Variants in CNTN3 observed in about 807,000 individuals in gnomAD.
CNTN3 encodes contactin 3.
CNTN3 carries 60 observed loss-of-function variants against 119.1 expected under a neutral mutation model. That is an observed-to-expected ratio of 0.50 (90% CI 0.41 to 0.62). CNTN3 has a LOEUF of 0.62. CNTN3 is among the 20% of genes least tolerant of loss of function. The pLI is 0.00. For synonymous variants in CNTN3, 450 were observed against 438.7 expected (o/e 1.03, Z -0.32); for missense variants, 1,101 against 1,242.4 (o/e 0.89, Z 1.71).
chr3:74,376,064 G>T (rs1421559795), intron 5 of CNTN3, among the ~76,000 whole-genome samples: 2 of 152,144 alleles, frequency 1.3e-5, no homozygotes, highest in East Asian at 1.9e-4. Context: ...TGGTGGCCAA[G>T]AGCAAAGGAA....
At chr3:74,317,369 G>A (rs993564303) in intron 13 of CNTN3, among the ~76,000 whole-genome samples, 2 of 151,724 alleles carry the variant, frequency 1.3e-5, no homozygotes, top group African/African-American at 2.4e-5. Flanking sequence ...TGTGTATTTG[G>A]TCCTGTCATT....
intron 13 of CNTN3, among the ~76,000 whole-genome samples, chr3:74,327,669 C>T (rs1481143505): frequency 6.6e-6 from 1 of 151,950 alleles, no homozygotes; most frequent in East Asian, 1.9e-4. Context: ...ACAAAAATTA[C>T]CAGTAAAATT....
chr3:74,392,702 A>G (rs969203245), intron 5 of CNTN3, among the ~76,000 whole-genome samples: 5 of 152,208 alleles, frequency 3.3e-5, no homozygotes, highest in African/African-American at 4.8e-5. Context: ...TTAGAAAGAT[A>G]CCAAGTGATG....
At chr3:74,552,296 T>C (rs2107161955) in intron 1 of CNTN3, among the ~76,000 whole-genome samples, 1 of 152,336 alleles carries the variant, frequency 6.6e-6, no homozygotes, top group Non-Finnish European at 1.5e-5. Context: ...AAGTTCTCAA[T>C]TCATTTGAGT....
At chr3:74,578,397 A>G (rs941682403) in intron 1 of CNTN3, among the ~76,000 whole-genome samples, 6 of 152,104 alleles carry the variant, frequency 3.9e-5, no homozygotes, top group Non-Finnish European at 7.4e-5. Context: ...ACTTTTCTTA[A>G]TAAGTTAAGG....
chr3:74,413,377 G>A (rs928405925), intron 5 of CNTN3, among the ~76,000 whole-genome samples: 1 of 152,132 alleles, frequency 6.6e-6, no homozygotes, highest in African/African-American at 2.4e-5. Flanking sequence ...CATACGAATA[G>A]TGAAAAATAT....
At chr3:74,280,312 ATTC>A (rs1464784093) in intron 20 of CNTN3, among the ~76,000 whole-genome samples, 5 of 152,246 alleles carry the variant, frequency 3.3e-5, no homozygotes, top group Non-Finnish European at 7.3e-5. Flanking sequence ...ATCATTTGGC[ATTC>A]TTCTTTTTCC....
intron 4 of CNTN3, among the ~76,000 whole-genome samples, chr3:74,441,718 T>A (rs1701969487): frequency 6.6e-6 from 1 of 152,196 alleles, no homozygotes; most frequent in African/African-American, 2.4e-5. Context: ...TACCAACTTA[T>A]TAAATGGGTG....
chr3:74,394,697 G>A (rs1283748707), intron 5 of CNTN3, among the ~76,000 whole-genome samples: 1 of 152,152 alleles, frequency 6.6e-6, no homozygotes, highest in Non-Finnish European at 1.5e-5. Flanking sequence ...AAAAGATGGT[G>A]TGAAACTAAC....
chr3:74,394,770 A>G (rs1705002823), intron 5 of CNTN3, among the ~76,000 whole-genome samples: 1 of 152,034 alleles, frequency 6.6e-6, no homozygotes, highest in Non-Finnish European at 1.5e-5. Context: ...ACAAACAAGA[A>G]AACCACTGCT....
In CNTN3 at chr3:74,276,311, T is replaced by C. The variant is rs7638489; in HGVS notation, c.2705-8933A>G. Among the ~76,000 whole-genome samples, 911 of 152,216 alleles carry C rather than the reference T, an allele frequency of 6.0e-3. 13 individuals carry two copies. The highest frequency in any genetic ancestry group is 0.02 in the African/African-American group (841 of 41,554). On this transcript the variant is annotated intron_variant, in intron 20 of 22. Transcript: ENST00000263665. ...GGCCTTAACAGATATATACGGAACA[T>C]TCCATCCAACAACCACAGAATACAC...
chr3:74,516,662 A>C (rs1246716441), intron 2 of CNTN3, among the ~76,000 whole-genome samples: 1 of 150,600 alleles, frequency 6.6e-6, no homozygotes, highest in Non-Finnish European at 1.5e-5. Context: ...ACACCTATTG[A>C]GATGGGGCAG....
rs762136843 is a variant in CNTN3 at position 74,336,708 on chromosome 3, T to C, written c.1365-50A>G. ...ATAAATATATAATAGCCATTTTTTT[T>C]CCAAATGAATATACATATTTTTACA... On this transcript the variant is annotated intron_variant, in intron 11 of 22. Transcript: ENST00000263665. The C allele has an allele frequency of 9.1e-5, 130 of 1,432,072 alleles. 1 individual carries two copies. The highest frequency in any genetic ancestry group is 5.1e-4 in the Admixed American group (25 of 48,678). 88.7% of individuals were successfully genotyped at this position (1,432,072 alleles called of 1,614,324 possible).
chr3:74,576,424 T>A (rs1279877037), intron 1 of CNTN3, among the ~76,000 whole-genome samples: 1 of 151,924 alleles, frequency 6.6e-6, no homozygotes, highest in Non-Finnish European at 1.5e-5. Flanking sequence ...AGAAATTCAT[T>A]CCCAAAACTA....
intron 19 of CNTN3, among the ~76,000 whole-genome samples, chr3:74,287,234 T>A (rs913027022): frequency 2.6e-5 from 4 of 152,176 alleles, no homozygotes; most frequent in African/African-American, 9.7e-5. Flanking sequence ...AACCAATATA[T>A]TTTTATTTGG....
At chr3:74,404,503 G>T (rs1705275501) in intron 5 of CNTN3, among the ~76,000 whole-genome samples, 1 of 152,060 alleles carries the variant, frequency 6.6e-6, no homozygotes, top group Non-Finnish European at 1.5e-5. Context: ...AACAGAGAAT[G>T]AAGTCTATTT....
intron 1 of CNTN3, among the ~76,000 whole-genome samples, chr3:74,560,113 C>A (rs1181720520): frequency 6.6e-6 from 1 of 152,110 alleles, no homozygotes; most frequent in Non-Finnish European, 1.5e-5. Flanking sequence ...CGAGATAGCC[C>A]AGGGTGCAAA....
chr3:74,337,016 C>T (rs1430227266), intron 11 of CNTN3, among the ~76,000 whole-genome samples: 1 of 151,992 alleles, frequency 6.6e-6, no homozygotes. Context: ...TGGAGTTAGC[C>T]TAATCAATTT....
At chr3:74,411,090 T>C (rs1314401384) in intron 5 of CNTN3, among the ~76,000 whole-genome samples, 1 of 152,120 alleles carries the variant, frequency 6.6e-6, no homozygotes, top group Non-Finnish European at 1.5e-5. Flanking sequence ...TTTCTTTCTT[T>C]TGTTGTTTCT....
Sources: allele counts gnomAD v4.1 joint callset (sites outside exome capture counted in the v4.1 genomes callset), GRCh38; gene constraint gnomAD v4.1.1; transcripts MANE v1.5; gene names NCBI Gene and HGNC (gene_info 2026-07-23, HGNC 2026-07-21).